TMEM266: variants seen among roughly 807,000 people sequenced by gnomAD.
TMEM266 encodes transmembrane protein 266.
In TMEM266, 33 loss-of-function variants were observed where a neutral mutation model predicts 50.5. That is an observed-to-expected ratio of 0.65 (90% CI 0.50 to 0.87). The LOEUF is 0.87. TMEM266 is among the 40% of genes least tolerant of loss of function. TMEM266 has a pLI of 0.00. For synonymous variants in TMEM266, 310 were observed against 292.3 expected, an observed-to-expected ratio of 1.06 and a Z score of -0.62; for missense variants, 655 against 695.1, an observed-to-expected ratio of 0.94 and a Z score of 0.65.
intron 1 of TMEM266, among the ~76,000 whole-genome samples, chr15:76,097,302 C>G (rs2036935797): frequency 6.6e-6 from 1 of 151,980 alleles, no homozygotes; most frequent in Non-Finnish European, 1.5e-5. Flanking sequence ...CTAAGGCAGT[C>G]CTGATGGTGA....
chr15:76,067,413 A>C (rs140205971), intron 1 of TMEM266, among the ~76,000 whole-genome samples: 115 of 151,874 alleles, frequency 7.6e-4, no homozygotes, highest in East Asian at 6.2e-3. Context: ...GAGGCCAAGG[A>C]GGGCGGATCA....
intron 1 of TMEM266, among the ~76,000 whole-genome samples, chr15:76,111,083 CT>C (rs34754489): frequency 1.4e-3 from 206 of 143,900 alleles, no homozygotes; most frequent in Non-Finnish European, 1.5e-3. Flanking sequence ...TTCGCAGTTT[CT>C]TTTTTTTTTT....
chr15:76,154,585 C>G (rs995091243), intron 3 of TMEM266, among the ~76,000 whole-genome samples: 1 of 151,992 alleles, frequency 6.6e-6, no homozygotes, highest in Non-Finnish European at 1.5e-5. Context: ...TTGGACCATG[C>G]GGGGTTCACA....
intron 3 of TMEM266, among the ~76,000 whole-genome samples, chr15:76,156,296 G>T (rs967658714): frequency 6.6e-6 from 1 of 152,110 alleles, no homozygotes; most frequent in African/African-American, 2.4e-5. Flanking sequence ...GGAGACAGAG[G>T]TTGCAGTGAG....
intron 8 of TMEM266, among the ~76,000 whole-genome samples, chr15:76,177,098 C>T (rs1393470253): frequency 6.6e-6 from 1 of 152,168 alleles, no homozygotes; most frequent in Non-Finnish European, 1.5e-5. Flanking sequence ...GTAGCCTCTG[C>T]ACCTCCTCCC....
intron 1 of TMEM266, among the ~76,000 whole-genome samples, chr15:76,117,860 A>C (rs1451720948): frequency 3.3e-5 from 5 of 152,250 alleles, no homozygotes; most frequent in African/African-American, 1.2e-4. Context: ...AGGTGATTTC[A>C]GGTGGGACAC....
At chr15:76,111,906 A>G (rs1250665555) in intron 1 of TMEM266, 2 of 152,258 alleles carry the variant, frequency 1.3e-5, no homozygotes, top group Non-Finnish European at 2.9e-5. Context: ...GAATGGGTAA[A>G]CAAACTGTAA....
intron 1 of TMEM266, among the ~76,000 whole-genome samples, chr15:76,079,586 A>T (rs1302043103): frequency 6.8e-6 from 1 of 145,994 alleles, no homozygotes; most frequent in African/African-American, 2.5e-5. Flanking sequence ...TCAGGAGTTC[A>T]AGACCAGCCT....
intron 1 of TMEM266, among the ~76,000 whole-genome samples, chr15:76,127,483 C>G (rs1198328036): frequency 6.6e-6 from 1 of 152,122 alleles, no homozygotes; most frequent in Non-Finnish European, 1.5e-5. Context: ...CAAGCCACCA[C>G]ACCCAGCTAA....
intron 1 of TMEM266, among the ~76,000 whole-genome samples, chr15:76,060,836 A>G (rs944221841): frequency 1.2e-4 from 18 of 152,158 alleles, no homozygotes; most frequent in Non-Finnish European, 1.6e-4. Context: ...TTTCACAGTC[A>G]CCAATACTGA....
chr15:76,168,990 TTC>T lies in TMEM266; in HGVS notation c.457-819_457-818del, dbSNP rs2038143030. ...GGGGCTTAAACAAGGCAAGGTCCAT[TTC>T]TCTCTCACGGAAAAACACATTAAGT... is the stretch of plus-strand genomic sequence containing the variant. On this transcript the variant is annotated intron_variant, in intron 5 of 10. Transcript: ENST00000388942. The surrounding 1 kb of genome is among the most constrained non-coding windows in gnomAD (Gnocchi z 4.4). Among the ~76,000 whole-genome samples, 2 of 152,166 alleles carry T rather than the reference TTC, an allele frequency of 1.3e-5. No homozygotes were observed. The highest frequency in any genetic ancestry group is 1.3e-4 in the Admixed American group (2 of 15,272).
intron 3 of TMEM266, among the ~76,000 whole-genome samples, chr15:76,151,632 C>T (rs1276027545): frequency 2.0e-5 from 3 of 152,152 alleles, no homozygotes; most frequent in Non-Finnish European, 4.4e-5. Flanking sequence ...GGCTGCTTGA[C>T]CCTGGCTTGC....
chr15:76,192,724 T>C (rs1459981479), intron 9 of TMEM266, among the ~76,000 whole-genome samples: 1 of 152,132 alleles, frequency 6.6e-6, no homozygotes, highest in Non-Finnish European at 1.5e-5. Flanking sequence ...TAGGGTCCTG[T>C]ATGGAAGGGA....
chr15:76,130,863 A>G lies in TMEM266; in HGVS notation c.-96-3305A>G, dbSNP rs112870462. Among the ~76,000 whole-genome samples the G allele has an allele frequency of 6.6e-3, 1,004 of 152,238 alleles. 8 individuals carry two copies. The highest frequency in any genetic ancestry group is 0.023 in the African/African-American group (967 of 41,544). On this transcript the variant is annotated intron_variant, in intron 1 of 10. Transcript: ENST00000388942. ...TTCATAATCTTTACTTCTTTTTTGTATATGTTTTATATTGGCTGTATTAAT... is the reference window on the plus strand; with the variant it reads ...TTCATAATCTTTACTTCTTTTTTGTGTATGTTTTATATTGGCTGTATTAAT...
intron 9 of TMEM266, among the ~76,000 whole-genome samples, chr15:76,196,572 GCTAA>G (rs540009209): frequency 1.1e-3 from 161 of 152,330 alleles, no homozygotes; most frequent in African/African-American, 3.3e-3. Context: ...AGTGCTTGTT[GCTAA>G]CTAACTGTGA....
chr15:76,169,955 G>A (rs2038163141), intron 6 of TMEM266, 83 bp downstream of exon 6: 1 of 1,466,572 alleles, frequency 6.8e-7, no homozygotes. Context: ...ATTCCAGGGT[G>A]GACACCATCA....
chr15:76,084,608 T>G (rs144617358), intron 1 of TMEM266, among the ~76,000 whole-genome samples: 61 of 137,426 alleles, frequency 4.4e-4, no homozygotes, highest in East Asian at 5.8e-4. Flanking sequence ...GTTTTTTTTT[T>G]TTTGTTTTTT....
At position 76,203,879 on chromosome 15, in the gene TMEM266, A is replaced by G. The variant is rs1398960267; in HGVS notation, c.1160A>G (p.Glu387Gly). The G allele has an allele frequency of 1.4e-5, 23 of 1,614,048 alleles. No individual in the cohort carries two copies. Among genetic ancestry groups the G allele is most frequent in the Non-Finnish European group, 1.8e-5 (21 of 1,180,036 alleles). The change falls in exon 11 of 11, where the codon GAG (glutamate) becomes GGG (glycine). Residue 387 changes from glutamate (E) to glycine (G), a missense_variant. Physicochemically the swap from Glu to Gly is moderately conservative, Grantham distance 98. Coordinates refer to ENST00000388942, the MANE Select transcript of TMEM266 (RefSeq NM_152335.3). ...GGTAATGGCACCAGCGCCACCTCGG[A>G]GAGTGCCTCCCGCAGCTCAGTCACC...
At chr15:76,063,349 C>G (rs2036342116) in intron 1 of TMEM266, among the ~76,000 whole-genome samples, 1 of 152,172 alleles carries the variant, frequency 6.6e-6, no homozygotes, top group African/African-American at 2.4e-5. Flanking sequence ...GGGCTCATTG[C>G]CTTTTGCACC....
Sources: gnomAD v4.1 joint callset for allele counts (sites outside exome capture counted in the v4.1 genomes callset) on GRCh38, gnomAD v4.1.1 for gene constraint, Gnocchi (gnomAD v3.1) non-coding constraint, MANE v1.5 for transcripts, NCBI Gene and HGNC (gene_info 2026-07-23, HGNC 2026-07-21) for gene names.